The following GLDC variants were observed in gnomAD, a reference collection of about 807,000 sequenced individuals.
The protein encoded by GLDC is glycine dehydrogenase (decarboxylating), mitochondrial.
Under a neutral mutation model 121.3 loss-of-function variants are expected in GLDC, and 104 were observed. The ratio of observed to expected loss-of-function variants is 0.86; its 90% CI spans 0.73 to 1.01. The LOEUF (loss-of-function observed/expected upper bound fraction) is 1.01, where lower values mean the gene tolerates loss of function less well. GLDC is among the 50% of genes least tolerant of loss of function. The pLI is 0.00. For missense variants in GLDC, 1,429 were observed against 1,306.6 expected (o/e 1.09, Z -1.44); for synonymous variants, 546 against 480.6 (o/e 1.14, Z -1.78).
intron 21 of GLDC, chr9:6,541,994 C>A (rs1267862721): frequency 6.6e-6 from 1 of 151,502 alleles, no homozygotes; most frequent in Non-Finnish European, 1.5e-5. Flanking sequence ...GTAATCCCAG[C>A]ACTTTGCGAG....
At chr9:6,536,372 A>T (rs1413191561) in intron 22 of GLDC, 136 bp from the exon 23 acceptor site, 1 of 814,494 alleles carries the variant, frequency 1.2e-6, no homozygotes, top group African/African-American at 1.7e-5. Flanking sequence ...GTATGTGGGG[A>T]CTCATCTCAG....
rs111955798 is a variant in GLDC at position 6,613,176 on chromosome 9, T to A, written c.471-2820A>T. Among the ~76,000 whole-genome samples, 187 of 152,354 alleles carry A rather than the reference T, an allele frequency of 1.2e-3. 1 individual carries two copies. Among genetic ancestry groups the A allele is most frequent in the African/African-American group, 4.4e-3 (181 of 41,598 alleles). Reference sequence around the variant, plus strand: ...TCAGGAACACATTTACCACCTTTTTTATGATTATGTTATACATGTTCTTTG... The same window carrying A: ...TCAGGAACACATTTACCACCTTTTTAATGATTATGTTATACATGTTCTTTG... On this transcript the variant is annotated intron_variant, in intron 3 of 24. Transcript: ENST00000321612.
chr9:6,606,902 G>T (rs147051175), intron 4 of GLDC, among the ~76,000 whole-genome samples: 2 of 151,382 alleles, frequency 1.3e-5, no homozygotes, highest in East Asian at 2.0e-4. Flanking sequence ...ATAAAACCTC[G>T]TCTCTACTAA....
chr9:6,603,398 C>G (rs752031253), intron 7 of GLDC, among the ~76,000 whole-genome samples: 4 of 151,908 alleles, frequency 2.6e-5, no homozygotes, highest in Non-Finnish European at 5.9e-5. Flanking sequence ...GGGCAGATCA[C>G]TTGAGCCCTA....
chr9:6,594,700 G>GAAGCAAGC (rs936366388), intron 9 of GLDC, among the ~76,000 whole-genome samples: 1 of 150,958 alleles, frequency 6.6e-6, no homozygotes, highest in Non-Finnish European at 1.5e-5. Context: ...ATTAAGCAAG[G>GAAGCAAGC]AAGCAAGCAA....
At chr9:6,578,857 G>A (rs1818123412) in intron 15 of GLDC, among the ~76,000 whole-genome samples, 1 of 152,110 alleles carries the variant, frequency 6.6e-6, no homozygotes, top group African/African-American at 2.4e-5. Context: ...AGTTCTCCTT[G>A]TGATTCCTCT....
chr9:6,540,563 A>C (rs1209525453), intron 21 of GLDC: 3 of 202,272 alleles, frequency 1.5e-5, no homozygotes, highest in African/African-American at 4.7e-5. Flanking sequence ...GACACTTTTC[A>C]GCAACTTTAC....
intron 21 of GLDC, among the ~76,000 whole-genome samples, chr9:6,544,285 A>C (rs967315490): frequency 6.6e-6 from 1 of 152,010 alleles, no homozygotes; most frequent in African/African-American, 2.4e-5. Context: ...GTCACTTGTG[A>C]GCCAAGGATG....
At chr9:6,641,444 G>T (rs1467824410) in intron 2 of GLDC, among the ~76,000 whole-genome samples, 1 of 152,210 alleles carries the variant, frequency 6.6e-6, no homozygotes, top group East Asian at 1.9e-4. Context: ...CAGGACAGAA[G>T]TTTTCCACTT....
At chr9:6,598,390 T>C (rs1433481875) in intron 8 of GLDC, among the ~76,000 whole-genome samples, 1 of 152,132 alleles carries the variant, frequency 6.6e-6, no homozygotes, top group Non-Finnish European at 1.5e-5. Context: ...AGAGACTCCC[T>C]ATAGAAAAAT....
At chr9:6,621,473 G>A (rs1033271906) in intron 2 of GLDC, among the ~76,000 whole-genome samples, 4 of 152,106 alleles carry the variant, frequency 2.6e-5, no homozygotes, top group African/African-American at 9.7e-5. Flanking sequence ...TTAACTCACT[G>A]GACTAAGTTG....
rs1360193266 is a variant in GLDC, at chr9:6,558,613, C to T, written c.1998G>A (p.Gln666=). 6.2e-7 allele frequency: 1 copy of T among 1,614,214 alleles called. No homozygotes were observed. The highest frequency in any genetic ancestry group is 1.3e-5 in the African/African-American group (1 of 75,058). ...TCCCATATTTATCCACCTCCACAGG[C>T]TGAATCTTCATGCCTGCCATGTGGG... The part of the protein sequence containing the change: ...ASAHMAGMKI[Q]PVEVDKYGNI... Residue 666 remains glutamine (Q), a synonymous_variant, in exon 17 of 25, where the codon CAG becomes CAA. Transcript: ENST00000321612.
intron 3 of GLDC, among the ~76,000 whole-genome samples, chr9:6,619,136 C>A: frequency 9.7e-6 from 1 of 103,546 alleles, no homozygotes; most frequent in South Asian, 3.2e-4. Flanking sequence ...GAGTGAGACT[C>A]TGTCTCAGGC....
At chr9:6,546,418 T>G (rs935141586) in intron 21 of GLDC, among the ~76,000 whole-genome samples, 6 of 150,388 alleles carry the variant, frequency 4.0e-5, no homozygotes, top group Middle Eastern at 3.4e-3. Context: ...CAGGCTGGTC[T>G]CAGACTCCTG....
Position 6,556,198 on chromosome 9 carries a change from T to A in GLDC, c.2157A>T (p.Gln719His). The stretch of plus-strand genomic sequence containing the variant: ...CGTCTAGGTAGACCTGTCCTCCATG[T>A]TGATGGATGAGGTCACACACGTCAC... ...NISDVCDLIH[Q>H]HGGQVYLDGA... Residue 719 changes from glutamine (Q) to histidine (H), a missense_variant, in exon 18 of 25, where the codon CAA (glutamine) becomes CAT (histidine). Physicochemically the swap from Gln to His is conservative, Grantham distance 24 (BLOSUM62 0). Coordinates refer to ENST00000321612, the MANE Select transcript of GLDC (RefSeq NM_000170.3). The A allele has an allele frequency of 6.2e-7, 1 of 1,613,014 alleles. No homozygotes were observed. Among genetic ancestry groups the A allele is most frequent in the South Asian group, 1.1e-5 (1 of 91,030 alleles).
At chr9:6,557,681 G>A (rs1331758549) in intron 17 of GLDC, 1 of 148,586 alleles carries the variant, frequency 6.7e-6, no homozygotes, top group Non-Finnish European at 1.5e-5. Flanking sequence ...GTAAATAAAA[G>A]TCTTCTTTAT....
chr9:6,622,238 G>A (rs1176437999), intron 2 of GLDC, among the ~76,000 whole-genome samples: 3 of 149,804 alleles, frequency 2.0e-5, no homozygotes, highest in Non-Finnish European at 3.0e-5. Context: ...CAAGAGATAT[G>A]GTCCCCCTCC....
chr9:6,629,958 T>TATATATATGTGTATATATATATATATATA, intron 2 of GLDC, among the ~76,000 whole-genome samples: 3 of 78,662 alleles, frequency 3.8e-5, no homozygotes, highest in African/African-American at 1.2e-4. Flanking sequence ...TATATATATA[T>TATATATATGTGTATATATATATATATATA]TTTTTTTTTT....
intron 2 of GLDC, among the ~76,000 whole-genome samples, chr9:6,641,346 G>A (rs745359749): frequency 2.0e-5 from 3 of 152,234 alleles, no homozygotes; most frequent in Admixed American, 1.3e-4. Context: ...AAGCTGCTGC[G>A]TTTCCACTGG....
Sources: allele counts gnomAD v4.1 joint callset (sites outside exome capture counted in the v4.1 genomes callset), GRCh38; gene constraint gnomAD v4.1.1; transcripts MANE v1.5; gene names NCBI Gene and HGNC (gene_info 2026-07-23, HGNC 2026-07-21).